Variants in PCDHA12 observed in about 807,000 individuals in gnomAD.
The protein encoded by PCDHA12 is protocadherin alpha 12, also known as protocadherin alpha-12.
PCDHA12 carries 44 observed loss-of-function variants against 60.0 expected under a neutral mutation model. The ratio of observed to expected loss-of-function variants is 0.73; its 90% CI spans 0.58 to 0.94. PCDHA12 has a LOEUF of 0.94. Among genes scored for constraint, PCDHA12 ranks in the 40% least tolerant of loss-of-function variants. The pLI is 0.00. For missense variants in PCDHA12, 1,276 were observed against 1,239.7 expected (o/e 1.03, Z -0.44); for synonymous variants, 569 against 553.0 (o/e 1.03, Z -0.40).
Position 141,011,514 on chromosome 5 carries a change from GT to G in PCDHA12, c.*1584del, listed in dbSNP as rs35545269. 2 of 153,738 alleles carry G rather than the reference GT, an allele frequency of 1.3e-5. No homozygotes were observed. The highest frequency in any genetic ancestry group is 1.9e-4 in the East Asian group (1 of 5,186). The allele number at this position is 153,738 out of a possible 1,614,324, so 9.5% of individuals were successfully genotyped here. ...TACACCTGTGAAAAAGTGGAGTAGTGTTTTTTTAACCATTGTTAATCAGCTT... is the reference window on the plus strand; with the variant it reads ...TACACCTGTGAAAAAGTGGAGTAGTGTTTTTTAACCATTGTTAATCAGCTT... On this transcript the variant is annotated 3_prime_UTR_variant, in exon 4 of 4. Coordinates refer to ENST00000398631, the MANE Select transcript of PCDHA12 (RefSeq NM_018903.4).
chr5:140,895,665 A>G (rs782373926), intron 1 of PCDHA12, among the ~76,000 whole-genome samples: 1 of 152,114 alleles, frequency 6.6e-6, no homozygotes, highest in Non-Finnish European at 1.5e-5. Flanking sequence ...AAGTGAGAAC[A>G]TGTAGTATTT....
intron 1 of PCDHA12, among the ~76,000 whole-genome samples, chr5:140,913,069 C>G (rs1249708459): frequency 9.2e-5 from 14 of 152,006 alleles, no homozygotes; most frequent in Non-Finnish European, 1.5e-4. Flanking sequence ...TTTGATGTGT[C>G]ATTGTTTGGT....
At chr5:140,883,066 C>G in intron 1 of PCDHA12, 1 of 1,614,070 alleles carries the variant, frequency 6.2e-7, no homozygotes. Flanking sequence ...AGCTAAATGC[C>G]ACAGATCCTG....
At chr5:140,967,754 T>G (rs782221420) in intron 1 of PCDHA12, 16 of 1,614,164 alleles carry the variant, frequency 9.9e-6, no homozygotes, top group South Asian at 7.7e-5. Flanking sequence ...GGAAGCCTCC[T>G]CCTACCAGAT....
intron 2 of PCDHA12, 101 bp downstream of exon 2, chr5:140,979,108 A>G: frequency 6.6e-7 from 1 of 1,526,122 alleles, no homozygotes; most frequent in African/African-American, 1.4e-5. Flanking sequence ...AAAACTAAAA[A>G]GCTTTAGGTA....
chr5:140,967,111 T>G, intron 1 of PCDHA12: 1 of 1,612,990 alleles, frequency 6.2e-7, no homozygotes, highest in East Asian at 2.2e-5. Context: ...AGCAGCGGCC[T>G]CGCTGCCTGC....
chr5:140,966,586 TG>T (rs1297938804), intron 1 of PCDHA12: 39 of 548,908 alleles, frequency 7.1e-5, no homozygotes, highest in Non-Finnish European at 1.1e-4. Flanking sequence ...GCGAGGACGG[TG>T]GGGCCAGGAG....
At chr5:140,999,977 C>T (rs1554257051) in intron 3 of PCDHA12, among the ~76,000 whole-genome samples, 1 of 152,068 alleles carries the variant, frequency 6.6e-6, no homozygotes, top group Non-Finnish European at 1.5e-5. Flanking sequence ...GCAGCTCTAG[C>T]GGCCTCTGGG....
At chr5:140,943,266 AAAAAAAAAAAAG>A (rs2093453056) in intron 1 of PCDHA12, among the ~76,000 whole-genome samples, 1 of 150,226 alleles carries the variant, frequency 6.7e-6, no homozygotes, top group African/African-American at 2.5e-5. Context: ...TCAAAAAAAA[AAAAAAAAAAAAG>A]AAAGAAAGAA....
chr5:140,887,101 CT>C (rs200717289), intron 1 of PCDHA12, among the ~76,000 whole-genome samples: 3,245 of 145,086 alleles, frequency 0.022, 87 homozygotes, highest in African/African-American at 0.074. Flanking sequence ...ATCTTTATCT[CT>C]TTTTTTTTTT....
intron 1 of PCDHA12, chr5:140,968,409 C>G: frequency 3.7e-6 from 6 of 1,614,024 alleles, no homozygotes; most frequent in South Asian, 1.1e-5. Context: ...TTCTTTGTGA[C>G]TGTGGAGGCT....
At chr5:140,985,228 C>T (rs1022229644) in intron 3 of PCDHA12, among the ~76,000 whole-genome samples, 2 of 152,156 alleles carry the variant, frequency 1.3e-5, no homozygotes, top group Admixed American at 6.5e-5. Flanking sequence ...TGAGCCACCG[C>T]GCCTGGCCTA....
chr5:140,967,529 C>A, intron 1 of PCDHA12: 1 of 1,613,244 alleles, frequency 6.2e-7, no homozygotes, highest in South Asian at 1.1e-5. Context: ...CGACAACTCT[C>A]CTGCCTTTGA....
chr5:140,915,665 G>A (rs1208319882), intron 1 of PCDHA12, among the ~76,000 whole-genome samples: 1 of 149,092 alleles, frequency 6.7e-6, no homozygotes, highest in African/African-American at 2.5e-5. Context: ...TCAAGGTGCT[G>A]GGCCATCTTG....
At position 140,992,285 on chromosome 5, in the gene PCDHA12, A is replaced by G. The variant is rs114469876; in HGVS notation, c.2515+9722A>G. On this transcript the variant is annotated intron_variant, in intron 3 of 3. Transcript: ENST00000398631. ...AGTTCTTTTCGTAGCACATCCCTGCAAAGGATGGGAGTATTGTTTTGGTGG... is the reference window on the plus strand; with the variant it reads ...AGTTCTTTTCGTAGCACATCCCTGCGAAGGATGGGAGTATTGTTTTGGTGG... 2.6e-3 allele frequency among the ~76,000 whole-genome samples: 395 copies of G among 152,336 alleles called. 1 individual carries two copies. The highest frequency in any genetic ancestry group is 8.7e-3 in the African/African-American group (360 of 41,578).
At chr5:140,884,509 T>C (rs781917095) in intron 1 of PCDHA12, 3 of 1,612,704 alleles carry the variant, frequency 1.9e-6, no homozygotes, top group Non-Finnish European at 1.7e-6. Flanking sequence ...CGGCAGGGAG[T>C]TGGTCGTACT....
chr5:140,997,565 A>T (rs552009994), intron 3 of PCDHA12, among the ~76,000 whole-genome samples: 1 of 152,174 alleles, frequency 6.6e-6, no homozygotes, highest in Non-Finnish European at 1.5e-5. Context: ...CAACTGTCAT[A>T]TGTGTGGTCC....
chr5:141,003,623 G>C (rs572368614), intron 3 of PCDHA12, among the ~76,000 whole-genome samples: 1 of 152,240 alleles, frequency 6.6e-6, no homozygotes, highest in East Asian at 1.9e-4. Flanking sequence ...CCAGAGGGCA[G>C]TTTTTAAAGT....
chr5:140,994,072 G>T (rs1587604928), intron 3 of PCDHA12, among the ~76,000 whole-genome samples: 1 of 152,242 alleles, frequency 6.6e-6, no homozygotes, highest in East Asian at 1.9e-4. Flanking sequence ...TAATGGTGAA[G>T]GGAGAAATGT....
Sources: allele counts gnomAD v4.1 joint callset (sites outside exome capture counted in the v4.1 genomes callset), GRCh38; gene constraint gnomAD v4.1.1; transcripts MANE v1.5; gene names NCBI Gene and HGNC (gene_info 2026-07-23, HGNC 2026-07-21).